The following RBFOX1 variants were observed in gnomAD, a reference collection of about 807,000 sequenced individuals.
RBFOX1 encodes the protein RNA binding fox-1 homolog 1.
In RBFOX1, 8 loss-of-function variants were observed where a neutral mutation model predicts 57.7. The ratio of observed to expected loss-of-function variants is 0.14; its 90% confidence interval spans 0.08 to 0.25. The LOEUF (loss-of-function observed/expected upper bound fraction) is 0.25. Among genes scored for constraint, RBFOX1 ranks in the 10% least tolerant of loss-of-function variants. The pLI is 1.00. For missense variants in RBFOX1, 611 were observed against 548.5 expected (o/e 1.11, Z -1.14); for synonymous variants, 326 against 222.4 (o/e 1.47, Z -4.15).
chr16:7,303,005 C>G (rs2096069871), intron 4 of RBFOX1, among the ~76,000 whole-genome samples: 2 of 152,186 alleles, frequency 1.3e-5, no homozygotes, highest in South Asian at 4.1e-4. Flanking sequence ...ACGGAGTAAT[C>G]TCTTATCAGA....
chr16:7,534,810 G>A, intron 5 of RBFOX1, among the ~76,000 whole-genome samples: 1 of 152,180 alleles, frequency 6.6e-6, no homozygotes, highest in East Asian at 1.9e-4. Context: ...CTAACACACA[G>A]TTCACCCTGG....
chr16:6,528,075 A>G (rs1307058401), intron 2 of RBFOX1, among the ~76,000 whole-genome samples: 1 of 152,146 alleles, frequency 6.6e-6, no homozygotes, highest in Non-Finnish European at 1.5e-5. Flanking sequence ...GATCAACAAA[A>G]TCTTGTCACC....
chr16:5,271,427 A>G (rs2063004051), intron 1 of RBFOX1, among the ~76,000 whole-genome samples: 1 of 152,250 alleles, frequency 6.6e-6, no homozygotes, highest in African/African-American at 2.4e-5. Flanking sequence ...CCGACTCAGT[A>G]GGGCTGGGTA....
intron 5 of RBFOX1, among the ~76,000 whole-genome samples, chr16:7,537,341 C>T (rs190048928): frequency 5.2e-4 from 79 of 152,240 alleles, no homozygotes; most frequent in Admixed American, 1.0e-3. Context: ...CAATTTGGGA[C>T]GGTATAGTCC....
At chr16:5,564,622 G>A (rs2045997994) in intron 2 of RBFOX1, among the ~76,000 whole-genome samples, 2 of 152,088 alleles carry the variant, frequency 1.3e-5, no homozygotes, top group South Asian at 4.1e-4. Context: ...ATCTCTTTTT[G>A]GAGTCTGTCC....
At chr16:5,334,741 G>T (rs1033800004) in intron 1 of RBFOX1, among the ~76,000 whole-genome samples, 1 of 151,568 alleles carries the variant, frequency 6.6e-6, no homozygotes, top group East Asian at 2.0e-4. Flanking sequence ...AATGTACCAT[G>T]GGCAATGTGG....
chr16:5,708,614 G>C (rs748461349), intron 3 of RBFOX1, among the ~76,000 whole-genome samples: 14 of 152,140 alleles, frequency 9.2e-5, no homozygotes, highest in Non-Finnish European at 1.8e-4. Flanking sequence ...GTTTCCAGGA[G>C]CTGGCATGGT....
intron 4 of RBFOX1, among the ~76,000 whole-genome samples, chr16:7,475,161 C>G (rs141646150): frequency 4.1e-4 from 62 of 152,250 alleles, no homozygotes; most frequent in African/African-American, 1.4e-3. Flanking sequence ...GGAGACATCT[C>G]TGTTCCTTTT....
At chr16:6,944,776 G>A (rs1189244000) in intron 3 of RBFOX1, among the ~76,000 whole-genome samples, 2 of 152,168 alleles carry the variant, frequency 1.3e-5, no homozygotes, top group African/African-American at 4.8e-5. Flanking sequence ...TCATATGGGT[G>A]TATCTCATCT....
intron 2 of RBFOX1, among the ~76,000 whole-genome samples, chr16:5,473,541 A>G (rs557921590): frequency 2.6e-4 from 40 of 151,630 alleles, no homozygotes; most frequent in African/African-American, 9.7e-4. Flanking sequence ...ATGGGTGGGT[A>G]GGTGGATGGA....
chr16:6,541,922 G>A lies in RBFOX1; in HGVS notation c.-63-112681G>A, dbSNP rs183032858. The stretch of plus-strand genomic sequence containing the variant: ...GCAGCAGGTAGTGTTCACTGCTTTA[G>A]TGTTCATTGATTTACATCTCCCCCT... On this transcript the variant is annotated intron_variant, in intron 2 of 15. Coordinates refer to ENST00000550418, the MANE Select transcript of RBFOX1 (RefSeq NM_018723.4). Among the ~76,000 whole-genome samples the A allele has an allele frequency of 1.9e-3, 282 of 152,010 alleles. 2 individuals carry two copies. Among genetic ancestry groups the A allele is most frequent in the Non-Finnish European group, 3.4e-3 (231 of 67,970 alleles).
chr16:7,342,875 CA>C (rs1227875859), intron 4 of RBFOX1, among the ~76,000 whole-genome samples: 2 of 152,154 alleles, frequency 1.3e-5, no homozygotes, highest in Non-Finnish European at 2.9e-5. Context: ...GAGGTTGCAT[CA>C]GGGGGCCATG....
At chr16:5,756,344 G>A (rs1350903977) in intron 3 of RBFOX1, among the ~76,000 whole-genome samples, 1 of 151,900 alleles carries the variant, frequency 6.6e-6, no homozygotes, top group Non-Finnish European at 1.5e-5. Flanking sequence ...CAAACTGTAG[G>A]ACTTAACCTA....
At chr16:6,114,707 G>A (rs917553168) in intron 1 of RBFOX1, among the ~76,000 whole-genome samples, 2 of 152,132 alleles carry the variant, frequency 1.3e-5, no homozygotes, top group East Asian at 1.9e-4. Context: ...AATGTATTAA[G>A]GTTTAGGATG....
intron 1 of RBFOX1, among the ~76,000 whole-genome samples, chr16:6,055,002 T>C (rs2095597744): frequency 6.6e-6 from 1 of 152,140 alleles, no homozygotes; most frequent in Non-Finnish European, 1.5e-5. Flanking sequence ...CAGGATTGTC[T>C]TGATTTAATT....
chr16:7,688,553 T>G (rs548871664), intron 14 of RBFOX1, among the ~76,000 whole-genome samples: 8 of 152,170 alleles, frequency 5.3e-5, no homozygotes, highest in Admixed American at 1.3e-4. Context: ...TTAATTTAAC[T>G]CTGAGAATTC....
At chr16:5,694,733 A>G (rs556042589) in intron 3 of RBFOX1, among the ~76,000 whole-genome samples, 2 of 150,952 alleles carry the variant, frequency 1.3e-5, no homozygotes, top group African/African-American at 4.9e-5. Flanking sequence ...ACAGCCCCCA[A>G]CCCCACTATC....
chr16:7,025,989 C>T (rs1433445952), intron 3 of RBFOX1, among the ~76,000 whole-genome samples: 2 of 152,156 alleles, frequency 1.3e-5, no homozygotes, highest in Admixed American at 1.3e-4. Flanking sequence ...TATCTGTAGA[C>T]TGGTCATACT....
At chr16:5,553,415 A>G (rs2045544126) in intron 2 of RBFOX1, among the ~76,000 whole-genome samples, 1 of 151,452 alleles carries the variant, frequency 6.6e-6, no homozygotes. Context: ...TCCCAGGTTC[A>G]TGCCATTCTC....
Sources: allele counts gnomAD v4.1 joint callset (sites outside exome capture counted in the v4.1 genomes callset), GRCh38; gene constraint gnomAD v4.1.1; transcripts MANE v1.5; gene names NCBI Gene and HGNC (gene_info 2026-07-23, HGNC 2026-07-21).